The following CCDC91 variants were observed in gnomAD, a reference collection of about 807,000 sequenced individuals.
CCDC91 encodes the protein coiled-coil domain-containing protein 91.
A neutral mutation model predicts 63.2 loss-of-function variants in CCDC91; 48 were observed. The ratio of observed to expected loss-of-function variants is 0.76; its 90% CI spans 0.60 to 0.97. The LOEUF (loss-of-function observed/expected upper bound fraction) is 0.97, where lower values mean the gene tolerates loss of function less well. CCDC91 is among the 50% of genes least tolerant of loss of function. The probability of loss-of-function intolerance (pLI) is 0.00; values close to 1 mark genes in which losing one functional copy is unlikely to be tolerated. For missense variants in CCDC91, 500 were observed against 494.6 expected, an observed-to-expected ratio of 1.01 and a Z score of -0.10; for synonymous variants, 167 against 165.8, an observed-to-expected ratio of 1.01 and a Z score of -0.06.
Position 28,391,340 on chromosome 12 carries a change from G to A in CCDC91, c.691G>A (p.Ala231Thr). Residue 231 changes from alanine (A) to threonine (T), a missense_variant, in exon 8 of 13, where the codon GCT (alanine) becomes ACT (threonine). Coordinates refer to ENST00000536442, the MANE Select transcript of CCDC91 (RefSeq NM_018318.5). Reference protein sequence around the residue: ...LQSSVKQQVEAIEKQYISAIE... With the variant: ...LQSSVKQQVETIEKQYISAIE... ...GTCTTCAGTTAAGCAACAAGTAGAA[G>A]CTATTGAAAAACAGTACATTTCTGC... is the stretch of plus-strand genomic sequence containing the variant. 6.2e-7 allele frequency: 1 copy of A among 1,613,068 alleles called. No individual in the cohort carries two copies. The highest frequency in any genetic ancestry group is 1.1e-5 in the South Asian group (1 of 91,034).
chr12:28,368,117 G>T (rs1040460591), intron 7 of CCDC91, among the ~76,000 whole-genome samples: 1 of 152,116 alleles, frequency 6.6e-6, no homozygotes, highest in African/African-American at 2.4e-5. Context: ...TAATACACAC[G>T]TAGCTAAACT....
chr12:28,394,340 C>T (rs1457050089), intron 8 of CCDC91, among the ~76,000 whole-genome samples: 1 of 151,974 alleles, frequency 6.6e-6, no homozygotes. Flanking sequence ...GTGGCGGGCA[C>T]CTGTAGTCTC....
chr12:28,338,454 T>C (rs1942169427), intron 6 of CCDC91, among the ~76,000 whole-genome samples: 1 of 151,990 alleles, frequency 6.6e-6, no homozygotes, highest in Admixed American at 6.6e-5. Flanking sequence ...GAGAAAACAG[T>C]GTGAATGCCC....
intron 12 of CCDC91, among the ~76,000 whole-genome samples, chr12:28,484,406 A>G (rs1283855509): frequency 1.3e-5 from 2 of 152,180 alleles, no homozygotes; most frequent in Non-Finnish European, 1.5e-5. Flanking sequence ...GAAATAACCT[A>G]TATCATTTCC....
chr12:28,325,633 A>G (rs1173514136), intron 6 of CCDC91, among the ~76,000 whole-genome samples: 1 of 151,980 alleles, frequency 6.6e-6, no homozygotes, highest in Non-Finnish European at 1.5e-5. Flanking sequence ...TTAAAAGATG[A>G]CTTTAAAGCC....
rs1949409062 is a variant in CCDC91, at chr12:28,294,161, G to C, written c.110-11488G>C. ...GGTTGTTATAGGGAGGACGAAATAA[G>C]TTGACACACACACAAAAATACTGCA... is the stretch of plus-strand genomic sequence containing the variant. On this transcript the variant is annotated intron_variant, in intron 3 of 12. Transcript: ENST00000536442. 2.6e-5 allele frequency among the ~76,000 whole-genome samples: 4 copies of C among 152,176 alleles called. No homozygotes were observed. The South Asian group carries it at 8.3e-4, about 32-fold the overall frequency.
intron 6 of CCDC91, among the ~76,000 whole-genome samples, chr12:28,354,075 G>T (rs1316290203): frequency 6.6e-6 from 1 of 152,174 alleles, no homozygotes; most frequent in Non-Finnish European, 1.5e-5. Flanking sequence ...TGCAGTATCT[G>T]TGAAGCACAA....
intron 8 of CCDC91, among the ~76,000 whole-genome samples, chr12:28,444,002 A>C (rs1949369344): frequency 6.6e-6 from 1 of 152,108 alleles, no homozygotes; most frequent in South Asian, 2.1e-4. Context: ...TAAACCCTTC[A>C]GTGAAGGGGA....
intron 8 of CCDC91, among the ~76,000 whole-genome samples, chr12:28,443,066 GT>G (rs1949311296): frequency 6.6e-6 from 1 of 151,942 alleles, no homozygotes; most frequent in African/African-American, 2.4e-5. Flanking sequence ...TCCTGTATCT[GT>G]TAAAGTTGGA....
At chr12:28,446,100 T>C (rs543026787) in intron 8 of CCDC91, among the ~76,000 whole-genome samples, 1 of 152,324 alleles carries the variant, frequency 6.6e-6, no homozygotes, top group Admixed American at 6.5e-5. Context: ...AGACCATTAC[T>C]GAGCAGTGAG....
chr12:28,341,610 G>A (rs1425161291), intron 6 of CCDC91, among the ~76,000 whole-genome samples: 1 of 152,084 alleles, frequency 6.6e-6, no homozygotes, highest in African/African-American at 2.4e-5. Flanking sequence ...TTGTTTTTAG[G>A]ATGCCATTAT....
intron 6 of CCDC91, among the ~76,000 whole-genome samples, chr12:28,344,090 GA>G (rs200276817): frequency 9.5e-4 from 144 of 151,298 alleles, no homozygotes; most frequent in East Asian, 3.5e-3. Flanking sequence ...TTAACAAAAG[GA>G]AAAAAAATAG....
chr12:28,498,043 T>G (rs1952404150), intron 12 of CCDC91, among the ~76,000 whole-genome samples: 2 of 151,630 alleles, frequency 1.3e-5, no homozygotes, highest in African/African-American at 4.8e-5. Flanking sequence ...CCTTCTGCTC[T>G]TAGTTGGTTT....
At chr12:28,340,653 C>G (rs546821093) in intron 6 of CCDC91, among the ~76,000 whole-genome samples, 1 of 152,258 alleles carries the variant, frequency 6.6e-6, no homozygotes, top group African/African-American at 2.4e-5. Context: ...TCTTTGGTGG[C>G]CCGCTACTTA....
chr12:28,506,273 G>A (rs981909060), intron 12 of CCDC91, among the ~76,000 whole-genome samples: 1 of 151,958 alleles, frequency 6.6e-6, no homozygotes, highest in African/African-American at 2.4e-5. Context: ...TGGAAACTCA[G>A]AGGCAGCAGC....
chr12:28,403,848 G>A (rs1447757810), intron 8 of CCDC91, among the ~76,000 whole-genome samples: 1 of 151,970 alleles, frequency 6.6e-6, no homozygotes, highest in Non-Finnish European at 1.5e-5. Context: ...TTCTTTTAAT[G>A]TTCATGGGAT....
chr12:28,288,614 G>A (rs1949044545), intron 3 of CCDC91, among the ~76,000 whole-genome samples: 1 of 152,070 alleles, frequency 6.6e-6, no homozygotes, highest in South Asian at 2.1e-4. Context: ...TTGCATTGAT[G>A]TTCATCAAGG....
At chr12:28,230,572 A>C (rs1036005377) in intron 1 of CCDC91, among the ~76,000 whole-genome samples, 2 of 152,148 alleles carry the variant, frequency 1.3e-5, no homozygotes, top group African/African-American at 4.8e-5. Flanking sequence ...TGAATATGAG[A>C]TATACTGTTA....
intron 8 of CCDC91, among the ~76,000 whole-genome samples, chr12:28,419,544 C>T (rs1202148138): frequency 1.1e-4 from 16 of 151,988 alleles, no homozygotes; most frequent in Non-Finnish European, 5.9e-5. Flanking sequence ...AGCAAAATGG[C>T]TACTTTTGTC....
Sources: allele counts gnomAD v4.1 joint callset (sites outside exome capture counted in the v4.1 genomes callset), GRCh38; gene constraint gnomAD v4.1.1; transcripts MANE v1.5; gene names NCBI Gene and HGNC (gene_info 2026-07-23, HGNC 2026-07-21).